Variants in TRIM2 observed in about 807,000 individuals in gnomAD.
TRIM2 encodes tripartite motif-containing protein 2.
In TRIM2, 20 loss-of-function variants were observed where a neutral mutation model predicts 75.2. The ratio of observed to expected loss-of-function variants is 0.27; its 90% CI spans 0.19 to 0.39. The LOEUF is 0.39. Ranked by LOEUF, TRIM2 falls within the 10% of genes least tolerant of loss-of-function variation. The pLI, the probability that TRIM2 is intolerant of heterozygous loss-of-function variation, is 1.00. For synonymous variants in TRIM2, 373 were observed against 388.3 expected, an observed-to-expected ratio of 0.96 and a Z score of 0.46; for missense variants, 660 against 990.8, an observed-to-expected ratio of 0.67 and a Z score of 4.48.
At chr4:153,334,695 GA>G in intron 11 of TRIM2, 118 bp from the exon 12 acceptor site, 1 of 967,738 alleles carries the variant, frequency 1.0e-6, no homozygotes, top group South Asian at 1.8e-5. Flanking sequence ...GTCAGAGTGA[GA>G]CCCTGTCAAA....
intron 1 of TRIM2, among the ~76,000 whole-genome samples, chr4:153,193,661 G>A (rs553928195): frequency 9.2e-5 from 14 of 152,292 alleles, no homozygotes; most frequent in East Asian, 5.8e-4. Context: ...AAACATAGGC[G>A]CAGTCATGAA....
chr4:153,200,085 G>A (rs1384371515), upstream of TRIM2, among the ~76,000 whole-genome samples: 5 of 151,988 alleles, frequency 3.3e-5, no homozygotes, highest in Admixed American at 3.3e-4. Flanking sequence ...GGGATTACAG[G>A]CACCGCCACC....
Position 153,328,603 on chromosome 4 carries a change from C to T in TRIM2, c.2096C>T (p.Pro699Leu), listed in dbSNP as rs1378080392. Residue 699 changes from proline to leucine, a missense_variant, in exon 11 of 12, where the codon CCA becomes CTA. By Grantham distance (98) the Pro-to-Leu change is moderately conservative. Coordinates refer to ENST00000338700, the MANE Select transcript of TRIM2 (RefSeq NM_015271.5). Reference sequence around the variant, plus strand: ...GAAGGAAATGGGCAGTTTAATGCTCCAACAGGTGTAGCAGTGGATTCAAAT... The same window carrying T: ...GAAGGAAATGGGCAGTTTAATGCTCTAACAGGTGTAGCAGTGGATTCAAAT... Reference protein sequence around the residue: ...NGEGNGQFNAPTGVAVDSNGN... With the variant: ...NGEGNGQFNALTGVAVDSNGN... 6.2e-7 allele frequency: 1 copy of T among 1,612,820 alleles called. No individual in the cohort carries two copies. Among genetic ancestry groups the T allele is most frequent in the Non-Finnish European group, 8.5e-7 (1 of 1,179,510 alleles).
chr4:153,216,524 C>T (rs1738518819), intron 1 of TRIM2, among the ~76,000 whole-genome samples: 1 of 152,204 alleles, frequency 6.6e-6, no homozygotes, highest in African/African-American at 2.4e-5. Context: ...GCAGCTTGTA[C>T]ATTCTTTTGA....
At chr4:153,331,709 T>G (rs944467228) in intron 11 of TRIM2, among the ~76,000 whole-genome samples, 1 of 152,200 alleles carries the variant, frequency 6.6e-6, no homozygotes, top group Non-Finnish European at 1.5e-5. Flanking sequence ...GAGGAATCAC[T>G]CTACCCTTAC....
intron 1 of TRIM2, among the ~76,000 whole-genome samples, chr4:153,229,547 C>T (rs913658224): frequency 3.3e-5 from 5 of 152,162 alleles, no homozygotes; most frequent in African/African-American, 9.7e-5. Flanking sequence ...CATGAGCCAT[C>T]GCACCTGGCC....
At position 153,278,851 on chromosome 4, in the gene TRIM2, A is replaced by T. The variant is rs560702209; in HGVS notation, c.453+2721A>T. Among the ~76,000 whole-genome samples the T allele has an allele frequency of 2.6e-5, 4 of 152,306 alleles. No homozygotes were observed. In the South Asian group the frequency reaches 8.3e-4, roughly 32 times the overall value. ...AAAATAAATGTTACCTCCATAAGTA[A>T]AGTGAGAATGTCATGAAATTCAGGC... On this transcript the variant is annotated intron_variant, in intron 3 of 11. Transcript: ENST00000338700.
intron 1 of TRIM2, among the ~76,000 whole-genome samples, chr4:153,158,733 A>G (rs1729466308): frequency 6.6e-6 from 1 of 152,204 alleles, no homozygotes; most frequent in African/African-American, 2.4e-5. Flanking sequence ...GAAGAGGGGA[A>G]ACTGATATTC....
chr4:153,193,420 C>T (rs1260977183), intron 1 of TRIM2, among the ~76,000 whole-genome samples: 2 of 152,138 alleles, frequency 1.3e-5, no homozygotes, highest in African/African-American at 2.4e-5. Flanking sequence ...CATGAGCCAC[C>T]GCGCCTGGCC....
chr4:153,179,532 G>A (rs568346296), intron 1 of TRIM2, among the ~76,000 whole-genome samples: 3 of 152,160 alleles, frequency 2.0e-5, no homozygotes, highest in East Asian at 3.9e-4. Flanking sequence ...GGAAAATGCC[G>A]TACCAAGACA....
intron 1 of TRIM2, among the ~76,000 whole-genome samples, chr4:153,240,745 C>T (rs1163575402): frequency 6.6e-6 from 1 of 152,138 alleles, no homozygotes; most frequent in African/African-American, 2.4e-5. Flanking sequence ...TAAAGCATAC[C>T]TCAATGACTG....
intron 11 of TRIM2, among the ~76,000 whole-genome samples, chr4:153,333,829 T>C (rs923433077): frequency 1.5e-4 from 23 of 152,206 alleles, no homozygotes; most frequent in Non-Finnish European, 2.9e-4. Context: ...CTAGAGATGA[T>C]TTAAAATATA....
intron 6 of TRIM2, among the ~76,000 whole-genome samples, chr4:153,311,188 C>G (rs995378522): frequency 3.3e-5 from 5 of 152,130 alleles, no homozygotes; most frequent in Admixed American, 1.3e-4. Context: ...TCTACTCACA[C>G]TGAAAAAACG....
intron 1 of TRIM2, among the ~76,000 whole-genome samples, chr4:153,244,299 T>C (rs1275567947): frequency 2.6e-5 from 1 of 39,076 alleles, no homozygotes; most frequent in African/African-American, 1.6e-4. Flanking sequence ...CTCCTCCTCC[T>C]CCTCCTCCTC....
intron 3 of TRIM2, among the ~76,000 whole-genome samples, chr4:153,278,049 G>T (rs1758412735): frequency 1.3e-5 from 2 of 152,186 alleles, no homozygotes; most frequent in East Asian, 3.9e-4. Flanking sequence ...GACGTGACTT[G>T]ATAGAGGAGT....
At chr4:153,216,920 A>G (rs988635002) in intron 1 of TRIM2, among the ~76,000 whole-genome samples, 1 of 152,190 alleles carries the variant, frequency 6.6e-6, no homozygotes, top group African/African-American at 2.4e-5. Context: ...ATTGGCAGTT[A>G]AGTTTCAACA....
At chr4:153,153,956 A>G (rs898304882) in intron 1 of TRIM2, among the ~76,000 whole-genome samples, 4 of 151,400 alleles carry the variant, frequency 2.6e-5, no homozygotes, top group African/African-American at 9.8e-5. Context: ...TTTCTCCCCA[A>G]AATATGAGTG....
chr4:153,225,965 G>T (rs1742006340), intron 1 of TRIM2, among the ~76,000 whole-genome samples: 1 of 152,078 alleles, frequency 6.6e-6, no homozygotes, highest in African/African-American at 2.4e-5. Flanking sequence ...CCAACTCCTG[G>T]GCTCAAGCTA....
At chr4:153,186,890 C>CAAGACAGAGGG (rs11274225) in intron 1 of TRIM2, among the ~76,000 whole-genome samples, 37,851 of 152,072 alleles carry the variant, frequency 0.25, 5,386 homozygotes, top group African/African-American at 0.39. Context: ...TCAGAATTGC[C>CAAGACAGAGGG]ATGCTATTAC....
Sources: allele counts gnomAD v4.1 joint callset (sites outside exome capture counted in the v4.1 genomes callset), GRCh38; gene constraint gnomAD v4.1.1; transcripts MANE v1.5; gene names NCBI Gene and HGNC (gene_info 2026-07-23, HGNC 2026-07-21).